LRRC4C: variants seen among roughly 807,000 people sequenced by gnomAD.
LRRC4C encodes leucine rich repeat containing 4C.
LRRC4C carries 5 observed loss-of-function variants against 33.6 expected under a neutral mutation model. That is an observed-to-expected ratio of 0.15 (90% CI 0.08 to 0.31). The LOEUF is 0.31. LRRC4C is among the 10% of genes least tolerant of loss of function. The pLI is 1.00. For synonymous variants in LRRC4C, 329 were observed against 302.0 expected, an observed-to-expected ratio of 1.09 and a Z score of -0.93; for missense variants, 560 against 796.7, an observed-to-expected ratio of 0.70 and a Z score of 3.58.
intron 1 of LRRC4C, among the ~76,000 whole-genome samples, chr11:41,012,418 C>A (rs999413095): frequency 9.9e-5 from 15 of 151,944 alleles, no homozygotes; most frequent in Non-Finnish European, 2.1e-4. Context: ...ATATTTTATT[C>A]TTTTTTATGG....
chr11:40,253,083 A>G (rs1448783491), intron 4 of LRRC4C, among the ~76,000 whole-genome samples: 1 of 152,202 alleles, frequency 6.6e-6, no homozygotes, highest in Non-Finnish European at 1.5e-5. Context: ...TGGCATTTCT[A>G]CAGATAATAG....
rs532585914 is a variant in LRRC4C, at chr11:40,737,472, A to C, written c.-406-89194T>G. Among the ~76,000 whole-genome samples the C allele has an allele frequency of 4.6e-5, 7 of 152,240 alleles. No homozygotes were observed. The South Asian group carries it at 1.5e-3, about 32-fold the overall frequency. On this transcript the variant is annotated intron_variant, in intron 2 of 6. Transcript: ENST00000528697. ...CATGATTGTATATTTAGAAAACTCC[A>C]TCGTCTCAGCCCAAAATCTCCTTAA... is the stretch of plus-strand genomic sequence containing the variant.
intron 3 of LRRC4C, among the ~76,000 whole-genome samples, chr11:40,594,643 T>A (rs1047750484): frequency 6.6e-6 from 1 of 152,172 alleles, no homozygotes; most frequent in Non-Finnish European, 1.5e-5. Context: ...TTAAGCAGTT[T>A]AGCTGAGACC....
intron 3 of LRRC4C, among the ~76,000 whole-genome samples, chr11:40,333,860 A>G (rs1203925326): frequency 6.6e-6 from 1 of 151,994 alleles, no homozygotes; most frequent in Non-Finnish European, 1.5e-5. Flanking sequence ...CCGCTAAGCG[A>G]TATGTTTTTT....
intron 3 of LRRC4C, among the ~76,000 whole-genome samples, chr11:40,493,762 C>T (rs1954282119): frequency 6.6e-6 from 1 of 152,098 alleles, no homozygotes. Flanking sequence ...CAATACCAAC[C>T]AACTAAGGTT....
chr11:40,522,026 G>T (rs2135235430), intron 3 of LRRC4C, among the ~76,000 whole-genome samples: 3 of 152,210 alleles, frequency 2.0e-5, no homozygotes, highest in Middle Eastern at 3.4e-3. Context: ...ACCAATTCCT[G>T]AGTGAGACAA....
intron 3 of LRRC4C, among the ~76,000 whole-genome samples, chr11:40,635,629 T>TTTTAA (rs1963883842): frequency 5.5e-5 from 1 of 18,206 alleles, no homozygotes; most frequent in African/African-American, 1.1e-4. Context: ...AAGAACCAAA[T>TTTTAA]TTTTTTTTTT....
chr11:41,330,158 T>C (rs959023929), intron 1 of LRRC4C, among the ~76,000 whole-genome samples: 6 of 152,186 alleles, frequency 3.9e-5, no homozygotes, highest in African/African-American at 1.4e-4. Flanking sequence ...TTTGCAACTG[T>C]TACATTCATG....
At chr11:40,507,052 AT>A (rs1053678676) in intron 3 of LRRC4C, among the ~76,000 whole-genome samples, 2 of 152,118 alleles carry the variant, frequency 1.3e-5, no homozygotes, top group African/African-American at 2.4e-5. Context: ...AAACACAAAA[AT>A]AAAAGATACA....
chr11:41,123,261 GTTTTTTTTT>G lies in LRRC4C; in HGVS notation c.-495-189547_-495-189539del, dbSNP rs1217714729. On this transcript the variant is annotated intron_variant, in intron 1 of 6. Coordinates refer to ENST00000528697, the MANE Select transcript of LRRC4C (RefSeq NM_001258419.2). ...CTTTCTCTATCCTGAGCTATGTTTT[GTTTTTTTTT>G]TTTTTTTTTTTTTTTTTTTTGAGAC... 4.1e-3 allele frequency among the ~76,000 whole-genome samples: 195 copies of G among 48,074 alleles called. 1 individual carries two copies. The highest frequency in any genetic ancestry group is 0.011 in the African/African-American group (184 of 17,298). 31.5% of individuals were successfully genotyped at this position (48,074 alleles called of 152,430 possible). A position where few individuals can be genotyped will look rare whatever the true frequency, so the allele number is the denominator to read the frequency against.
At chr11:40,478,612 A>T (rs1269100419) in intron 3 of LRRC4C, among the ~76,000 whole-genome samples, 1 of 152,192 alleles carries the variant, frequency 6.6e-6, no homozygotes, top group Non-Finnish European at 1.5e-5. Flanking sequence ...TTACATAGGT[A>T]TACATGTGCC....
intron 5 of LRRC4C, among the ~76,000 whole-genome samples, chr11:40,187,111 A>G (rs1166873637): frequency 6.6e-6 from 1 of 152,180 alleles, no homozygotes; most frequent in Admixed American, 6.5e-5. Flanking sequence ...GGGAAAAAAT[A>G]AAATAGAATA....
At chr11:41,279,061 T>A (rs1406830549) in intron 1 of LRRC4C, among the ~76,000 whole-genome samples, 1 of 152,152 alleles carries the variant, frequency 6.6e-6, no homozygotes, top group Non-Finnish European at 1.5e-5. Context: ...CATGTGGCAT[T>A]TGGTTTTCTG....
intron 2 of LRRC4C, among the ~76,000 whole-genome samples, chr11:40,821,086 T>C (rs1951909801): frequency 6.6e-6 from 1 of 151,658 alleles, no homozygotes; most frequent in Non-Finnish European, 1.5e-5. Context: ...TACTAGTAAA[T>C]AAATCTGATG....
chr11:40,196,797 A>T (rs1464444332), intron 5 of LRRC4C, among the ~76,000 whole-genome samples: 1 of 152,210 alleles, frequency 6.6e-6, no homozygotes, highest in African/African-American at 2.4e-5. Flanking sequence ...TACTCTGTAT[A>T]TACAAATGTA....
At chr11:41,344,226 CTTT>C (rs34736782) in intron 1 of LRRC4C, among the ~76,000 whole-genome samples, 5 of 118,426 alleles carry the variant, frequency 4.2e-5, no homozygotes, top group Admixed American at 9.6e-5. Flanking sequence ...TGAAGCCTTT[CTTT>C]TTTTTTTTTT....
intron 3 of LRRC4C, among the ~76,000 whole-genome samples, chr11:40,329,869 G>C (rs1946278978): frequency 6.6e-6 from 1 of 151,456 alleles, no homozygotes; most frequent in African/African-American, 2.4e-5. Flanking sequence ...AGCCTCTCGA[G>C]TAGCTGCGAC....
At chr11:40,623,108 G>A (rs1591302395) in intron 3 of LRRC4C, among the ~76,000 whole-genome samples, 1 of 151,612 alleles carries the variant, frequency 6.6e-6, no homozygotes, top group Non-Finnish European at 1.5e-5. Flanking sequence ...AATCTACCAA[G>A]ATTTGCCAGG....
At chr11:41,131,551 A>G (rs1943012951) in intron 1 of LRRC4C, among the ~76,000 whole-genome samples, 1 of 152,012 alleles carries the variant, frequency 6.6e-6, no homozygotes, top group South Asian at 2.1e-4. Flanking sequence ...TTTCTGATTC[A>G]CTTTGTTATT....
Sources: gnomAD v4.1 joint callset for allele counts (sites outside exome capture counted in the v4.1 genomes callset) on GRCh38, gnomAD v4.1.1 for gene constraint, MANE v1.5 for transcripts, NCBI Gene and HGNC (gene_info 2026-07-23, HGNC 2026-07-21) for gene names.